The following SNW1 variants were observed in gnomAD, a reference collection of about 807,000 sequenced individuals.
SNW1 encodes SNW domain containing 1.
SNW1 carries 9 observed loss-of-function variants against 75.6 expected under a neutral mutation model. That is an observed-to-expected ratio of 0.12 (90% CI 0.07 to 0.21). The LOEUF is 0.21. Ranked by LOEUF, SNW1 falls within the 10% of genes least tolerant of loss-of-function variation. SNW1 has a pLI of 1.00. For missense variants in SNW1, 409 were observed against 670.9 expected (o/e 0.61, Z 4.31); for synonymous variants, 200 against 219.1 (o/e 0.91, Z 0.77).
intron 9 of SNW1, among the ~76,000 whole-genome samples, chr14:77,731,343 G>C (rs2080625543): frequency 1.3e-5 from 2 of 152,220 alleles, no homozygotes; most frequent in Non-Finnish European, 2.9e-5. Flanking sequence ...TTTAGTGATT[G>C]AAACTATCGT....
chr14:77,737,437 G>C (rs888230558), intron 5 of SNW1, among the ~76,000 whole-genome samples: 1 of 152,016 alleles, frequency 6.6e-6, no homozygotes, highest in Admixed American at 6.6e-5. Context: ...GGCAACTTAC[G>C]GTTAGCAGTT....
At chr14:77,752,676 A>G (rs1177558259) in intron 2 of SNW1, among the ~76,000 whole-genome samples, 1 of 152,194 alleles carries the variant, frequency 6.6e-6, no homozygotes, top group African/African-American at 2.4e-5. Flanking sequence ...TTTTAGCTCA[A>G]AACAGCCAAA....
intron 3 of SNW1, among the ~76,000 whole-genome samples, chr14:77,748,897 A>AT (rs1212544694): frequency 6.6e-6 from 1 of 151,926 alleles, no homozygotes; most frequent in Non-Finnish European, 1.5e-5. Flanking sequence ...TATTTGTATA[A>AT]TTTTTTTTAA....
chr14:77,722,093 T>G (rs1185872640), intron 11 of SNW1, among the ~76,000 whole-genome samples: 1 of 152,170 alleles, frequency 6.6e-6, no homozygotes, highest in African/African-American at 2.4e-5. Flanking sequence ...ATTAGGCTCA[T>G]GGGATGATCA....
intron 6 of SNW1, 64 bp downstream of exon 6, chr14:77,736,907 G>T: frequency 8.4e-7 from 1 of 1,194,508 alleles, no homozygotes; most frequent in Non-Finnish European, 1.2e-6. Flanking sequence ...CTTTCACTCA[G>T]CATATTGTTT....
At chr14:77,741,520 G>C (rs927649418) in intron 3 of SNW1, among the ~76,000 whole-genome samples, 1 of 152,112 alleles carries the variant, frequency 6.6e-6, no homozygotes, top group African/African-American at 2.4e-5. Context: ...GAAAGCCTAA[G>C]ATGATTTAGC....
At chr14:77,731,969 C>G (rs1277647992) in intron 9 of SNW1, among the ~76,000 whole-genome samples, 2 of 152,182 alleles carry the variant, frequency 1.3e-5, no homozygotes, top group African/African-American at 4.8e-5. Context: ...CTCTCAACCT[C>G]AAGGAATCCA....
At chr14:77,746,345 T>C (rs1282020014) in intron 3 of SNW1, among the ~76,000 whole-genome samples, 1 of 152,218 alleles carries the variant, frequency 6.6e-6, no homozygotes, top group Non-Finnish European at 1.5e-5. Flanking sequence ...TTGGCTGCAG[T>C]AAATCAAGCA....
intron 1 of SNW1, among the ~76,000 whole-genome samples, chr14:77,759,978 A>G (rs1168503060): frequency 1.3e-5 from 2 of 152,160 alleles, no homozygotes; most frequent in African/African-American, 4.8e-5. Flanking sequence ...AAAAAAAGCA[A>G]AAAAATTTTA....
At chr14:77,720,357 A>T (rs1391673202) in intron 12 of SNW1, among the ~76,000 whole-genome samples, 1 of 151,978 alleles carries the variant, frequency 6.6e-6, no homozygotes, top group African/African-American at 2.4e-5. Flanking sequence ...CTGGTTGTGA[A>T]CTCCTGACCT....
At chr14:77,752,552 A>G (rs1479658110) in intron 2 of SNW1, among the ~76,000 whole-genome samples, 1 of 152,200 alleles carries the variant, frequency 6.6e-6, no homozygotes, top group Non-Finnish European at 1.5e-5. Context: ...ATTCAGGCTT[A>G]GAAAAATTAA....
At chr14:77,734,602 G>A (rs2080655292) in intron 8 of SNW1, among the ~76,000 whole-genome samples, 5 of 152,196 alleles carry the variant, frequency 3.3e-5, no homozygotes, top group Admixed American at 3.3e-4. Context: ...GCCGGACGTG[G>A]TGGCATGCGC....
chr14:77,746,516 A>G (rs2080761509), intron 3 of SNW1, among the ~76,000 whole-genome samples: 1 of 152,248 alleles, frequency 6.6e-6, no homozygotes, highest in Non-Finnish European at 1.5e-5. Flanking sequence ...AGTATGTGTC[A>G]CATGTGAAAT....
Position 77,754,962 on chromosome 14 carries a change from T to C in SNW1, c.168+5A>G, listed in dbSNP as rs369699911. On this transcript the variant is annotated splice_donor_5th_base_variant and intron_variant, in intron 2 of 13. Coordinates refer to ENST00000261531, the MANE Select transcript of SNW1 (RefSeq NM_012245.3). ...AACAAATCTAAACTTAAGATCTATA[T>C]GTACCTCTAATAACCGAGGTATCCA... 8.8e-6 allele frequency: 14 copies of C among 1,583,176 alleles called. No individual in the cohort carries two copies. The highest frequency in any genetic ancestry group is 5.4e-5 in the African/African-American group (4 of 73,878).
chr14:77,750,156 G>C (rs780937301), intron 3 of SNW1, among the ~76,000 whole-genome samples: 1 of 152,132 alleles, frequency 6.6e-6, no homozygotes, highest in Admixed American at 6.6e-5. Flanking sequence ...AGCCATCATC[G>C]TGCCACTGCA....
chr14:77,722,535 T>C (rs176967), intron 11 of SNW1: 28,209 of 451,982 alleles, frequency 0.062, 1,405 homozygotes, highest in East Asian at 0.18. Flanking sequence ...ATCTCACCAT[T>C]TGAGGTAGAA....
chr14:77,752,782 C>T (rs770781288), intron 2 of SNW1, among the ~76,000 whole-genome samples: 1 of 152,248 alleles, frequency 6.6e-6, no homozygotes, highest in Non-Finnish European at 1.5e-5. Context: ...TTTTACAAGA[C>T]CTCTTTAAGT....
chr14:77,735,022 G>C lies in SNW1; in HGVS notation c.709-10C>G. 1.3e-6 allele frequency: 2 copies of C among 1,593,158 alleles called. No homozygotes were observed. Among genetic ancestry groups the C allele is most frequent in the Non-Finnish European group, 1.7e-6 (2 of 1,163,046 alleles). ...GTTCCTTTACAGTCATCTGAGAGAA[G>C]AGGGAAAGAAGAGACAAGTTTAGAT... On this transcript the variant is annotated splice_polypyrimidine_tract_variant and intron_variant, in intron 7 of 13. Coordinates refer to ENST00000261531, the MANE Select transcript of SNW1 (RefSeq NM_012245.3).
rs2080888624 is a variant in SNW1 at position 77,761,136 on chromosome 14, G to A, written c.-9C>T. 1.2e-6 allele frequency: 2 copies of A among 1,614,104 alleles called. No individual in the cohort carries two copies. On this transcript the variant is annotated 5_prime_UTR_variant, in exon 1 of 14. Coordinates refer to ENST00000261531, the MANE Select transcript of SNW1 (RefSeq NM_012245.3). ...CACCTGGTGAGCGCCATCTTCTTCC[G>A]CTTCTTCCAGCGCGAGCGACAGCAC...
Sources: allele counts gnomAD v4.1 joint callset (sites outside exome capture counted in the v4.1 genomes callset), GRCh38; gene constraint gnomAD v4.1.1; transcripts MANE v1.5; gene names NCBI Gene and HGNC (gene_info 2026-07-23, HGNC 2026-07-21).